PNPLA6: variants seen among roughly 807,000 people sequenced by gnomAD.
PNPLA6 encodes patatin like domain 6, lysophospholipase, also known as patatin-like phospholipase domain-containing protein 6.
A neutral mutation model predicts 153.7 loss-of-function variants in PNPLA6; 105 were observed. The observed-to-expected ratio is 0.68, with a 90% CI of 0.58 to 0.80. PNPLA6 has a LOEUF of 0.80. Among genes scored for constraint, PNPLA6 ranks in the 30% least tolerant of loss-of-function variants. The pLI is 0.00. For synonymous variants in PNPLA6, 825 were observed against 822.2 expected, an observed-to-expected ratio of 1.00 and a Z score of -0.06; for missense variants, 1,423 against 1,919.3, an observed-to-expected ratio of 0.74 and a Z score of 4.83.
At chr19:7,534,283 G>A (rs1453939631), upstream of PNPLA6, 1 of 256,762 alleles carries the variant, frequency 3.9e-6, no homozygotes, top group African/African-American at 2.3e-5. Flanking sequence ...GTCCCTTCGA[G>A]GGTCGTTAGC....
chr19:7,550,769 A>G (rs1222506049), intron 16 of PNPLA6, 129 bp downstream of exon 16: 9 of 1,241,454 alleles, frequency 7.2e-6, no homozygotes, highest in African/African-American at 3.0e-5. Flanking sequence ...CACCCAGTCC[A>G]CTCCCCGCCC....
rs2023125235 is a variant in PNPLA6 at position 7,541,273 on chromosome 19, G to A, written c.925-81G>A. On this transcript the variant is annotated intron_variant, in intron 7 of 31. Coordinates refer to ENST00000600737, the MANE Select transcript of PNPLA6 (RefSeq NM_001166114.2). This position sits in a 1 kb window ranked among gnomAD's most constrained non-coding sequence, Gnocchi z 5.2. ...CCCTGGTTCCCGCCCGACCCCTTAT[G>A]CTGCGAACTAGCCCGGCCCACCATC... 1 of 1,303,352 alleles carries A rather than the reference G, an allele frequency of 7.7e-7. No individual in the cohort carries two copies. The highest frequency in any genetic ancestry group is 1.5e-5 in the African/African-American group (1 of 68,508). 80.7% of individuals were successfully genotyped at this position (1,303,352 alleles called of 1,614,324 possible). A position where few individuals can be genotyped will look rare whatever the true frequency, so the allele number is the denominator to read the frequency against.
intron 27 of PNPLA6, among the ~76,000 whole-genome samples, chr19:7,557,765 C>T (rs2023945130): frequency 7.4e-6 from 1 of 134,266 alleles, no homozygotes; most frequent in East Asian, 2.1e-4. Context: ...GCCTGGGCGA[C>T]AGAGCAAGAC....
At chr19:7,556,251 T>C (rs2023876238) in intron 24 of PNPLA6, among the ~76,000 whole-genome samples, 1 of 151,700 alleles carries the variant, frequency 6.6e-6, no homozygotes, top group Non-Finnish European at 1.5e-5. Context: ...TTAGTAGAGA[T>C]GGGGTTTCAC....
chr19:7,541,087 G>T lies in PNPLA6; in HGVS notation c.924+36G>T, dbSNP rs776301447. On this transcript the variant is annotated intron_variant, in intron 7 of 31. Coordinates refer to ENST00000600737, the MANE Select transcript of PNPLA6 (RefSeq NM_001166114.2). The surrounding 1 kb of genome is among the most constrained non-coding windows in gnomAD (Gnocchi z 5.2). ...CTTCGCCTCCTGTCACCCCCTGAGG[G>T]ACCCCACCCTGGCCCCCACCCATTC... 6.3e-7 allele frequency: 1 copy of T among 1,597,664 alleles called. No homozygotes were observed. The highest frequency in any genetic ancestry group is 1.7e-5 in the Admixed American group (1 of 58,212).
Position 7,541,470 on chromosome 19 carries a change from G to A in PNPLA6, c.1005+36G>A. The A allele has an allele frequency of 1.2e-6, 2 of 1,612,360 alleles. No homozygotes were observed. The highest frequency in any genetic ancestry group is 8.5e-7 in the Non-Finnish European group (1 of 1,178,882). On this transcript the variant is annotated intron_variant, in intron 8 of 31. Coordinates refer to ENST00000600737, the MANE Select transcript of PNPLA6 (RefSeq NM_001166114.2). The surrounding 1 kb of genome is among the most constrained non-coding windows in gnomAD (Gnocchi z 5.2). ...GGCGGGGAGCGAGCACAGGGGGGAT[G>A]GGGGCGAGGTCTCCCTCCCAGGACA...
rs753859800 is a variant in PNPLA6 at position 7,536,433 on chromosome 19, G to A, written c.316-16G>A. Reference sequence around the variant, plus strand: ...CTGAATTAGCAATTCACCCATCTCCGCCTTCATTCTCCCAGGTGTCACAAT... The same window carrying A: ...CTGAATTAGCAATTCACCCATCTCCACCTTCATTCTCCCAGGTGTCACAAT... On this transcript the variant is annotated splice_polypyrimidine_tract_variant and intron_variant, in intron 2 of 31. Coordinates refer to ENST00000600737, the MANE Select transcript of PNPLA6 (RefSeq NM_001166114.2). 21 of 1,585,246 alleles carry A rather than the reference G, an allele frequency of 1.3e-5. No individual in the cohort carries two copies. Among genetic ancestry groups the A allele is most frequent in the Middle Eastern group, 1.7e-4 (1 of 6,038 alleles).
At chr19:7,550,171 T>C (rs2023581409) in intron 14 of PNPLA6, 59 bp downstream of exon 14, 1 of 1,607,758 alleles carries the variant, frequency 6.2e-7, no homozygotes, top group Non-Finnish European at 8.5e-7. Flanking sequence ...CCCGTGGGAG[T>C]GGCCAGAACC....
chr19:7,535,651 G>A, upstream of PNPLA6: 1 of 1,554,546 alleles, frequency 6.4e-7, no homozygotes, highest in African/African-American at 1.4e-5. The surrounding 1 kb of genome is among the most constrained non-coding windows in gnomAD (Gnocchi z 5.0). Flanking sequence ...GGCGTGCTCA[G>A]CGCGCATTAC....
intron 31 of PNPLA6, 32 bp from the exon 32 acceptor site, chr19:7,561,456 C>T (rs377501954): frequency 5.7e-6 from 9 of 1,571,444 alleles, no homozygotes; most frequent in Non-Finnish European, 7.0e-6. Context: ...GTGTCCCGTG[C>T]TGGGTGACGT....
Position 7,541,374 on chromosome 19 carries a change from G to C in PNPLA6, c.945G>C (p.Gln315His). ...TGCAGATCATCATGGTGCGGCTGCAGCGAGTCACCTTCCTGGCACTGCACA... is the reference window on the plus strand; with the variant it reads ...TGCAGATCATCATGGTGCGGCTGCACCGAGTCACCTTCCTGGCACTGCACA... ...RVVQIIMVRL[Q>H]RVTFLALHNY... Residue 315 changes from glutamine to histidine, a missense_variant, in exon 8 of 32, where the codon CAG becomes CAC. Transcript: ENST00000600737. This position sits in a 1 kb window ranked among gnomAD's most constrained non-coding sequence, Gnocchi z 5.2. 6.2e-7 allele frequency: 1 copy of C among 1,613,940 alleles called. No individual in the cohort carries two copies. The highest frequency in any genetic ancestry group is 8.5e-7 in the Non-Finnish European group (1 of 1,179,918).
In PNPLA6 at chr19:7,551,430, C is replaced by G; in HGVS notation, c.2253C>G (p.Pro751=). Residue 751 remains proline (P), a synonymous_variant, in exon 18 of 32, where the codon CCC becomes CCG. Coordinates refer to ENST00000600737, the MANE Select transcript of PNPLA6 (RefSeq NM_001166114.2). ...ILGNLQQLQG[P]FPGSGLGVPP... ...GGAATTTGCAGCAGCTGCAAGGACCCTTCCCAGGTGAGAGCCGGCCGGCCC... is the reference window on the plus strand; with the variant it reads ...GGAATTTGCAGCAGCTGCAAGGACCGTTCCCAGGTGAGAGCCGGCCGGCCC... 6.2e-7 allele frequency: 1 copy of G among 1,613,808 alleles called. No homozygotes were observed. Among genetic ancestry groups the G allele is most frequent in the Middle Eastern group, 1.6e-4 (1 of 6,062 alleles).
chr19:7,554,377 T>C (rs983555203), intron 20 of PNPLA6, 105 bp downstream of exon 20: 4 of 1,282,412 alleles, frequency 3.1e-6, no homozygotes, highest in East Asian at 2.3e-5. Context: ...GGAGCCTGCG[T>C]CTTACCCATA....
At position 7,541,834 on chromosome 19, in the gene PNPLA6, C is replaced by G. The variant is rs2023158934; in HGVS notation, c.1168+150C>G. ...CGGGGTACCCAGGTCTGACTCCTATCTGGTACCGAGGAAGCTGTGGCCTCG... is the reference window on the plus strand; with the variant it reads ...CGGGGTACCCAGGTCTGACTCCTATGTGGTACCGAGGAAGCTGTGGCCTCG... On this transcript the variant is annotated intron_variant, in intron 9 of 31. Coordinates refer to ENST00000600737, the MANE Select transcript of PNPLA6 (RefSeq NM_001166114.2). This position sits in a 1 kb window ranked among gnomAD's most constrained non-coding sequence, Gnocchi z 5.2. 8 of 1,115,060 alleles carry G rather than the reference C, an allele frequency of 7.2e-6. No homozygotes were observed. The highest frequency in any genetic ancestry group is 1.1e-5 in the Non-Finnish European group (8 of 761,618). 69.1% of individuals were successfully genotyped at this position (1,115,060 alleles called of 1,614,324 possible).
rs2023219105 is a variant in PNPLA6 at position 7,542,856 on chromosome 19, C to T, written c.1458C>T (p.Pro486=). 5.6e-6 allele frequency: 9 copies of T among 1,612,994 alleles called. No individual in the cohort carries two copies. The highest frequency in any genetic ancestry group is 6.8e-6 in the Non-Finnish European group (8 of 1,179,854). ...CCACTGGTGGCTGCCCTTTCGGGCC[C>T]TACCAGGGCCGCCAGACCAGCAGCA... The part of the protein sequence containing the change: ...ESATGGCPFG[P]YQGRQTSSIF... The change falls in exon 12 of 32, where the codon CCC becomes CCT. Residue 486 remains proline (P), a synonymous_variant. Coordinates refer to ENST00000600737, the MANE Select transcript of PNPLA6 (RefSeq NM_001166114.2).
At position 7,541,165 on chromosome 19, in the gene PNPLA6, A is replaced by T. The variant is rs1002456771; in HGVS notation, c.924+114A>T. ...GCCAGCAGGCGCTGGAGCTGTGGTTATCGGCCTGGAGCAGCCAGATGTCTG... is the reference window on the plus strand; with the variant it reads ...GCCAGCAGGCGCTGGAGCTGTGGTTTTCGGCCTGGAGCAGCCAGATGTCTG... On this transcript the variant is annotated intron_variant, in intron 7 of 31. Coordinates refer to ENST00000600737, the MANE Select transcript of PNPLA6 (RefSeq NM_001166114.2). This position sits in a 1 kb window ranked among gnomAD's most constrained non-coding sequence, Gnocchi z 5.2. The T allele has an allele frequency of 5.6e-5, 74 of 1,318,586 alleles. No individual in the cohort carries two copies. Among genetic ancestry groups the T allele is most frequent in the Non-Finnish European group, 7.8e-5 (73 of 940,820 alleles). The allele number at this position is 1,318,586 out of a possible 1,614,324, so 81.7% of individuals were successfully genotyped here. A position where few individuals can be genotyped will look rare whatever the true frequency, so the allele number is the denominator to read the frequency against.
rs1368204547 is a variant in PNPLA6 at position 7,549,116 on chromosome 19, A to G, written c.1609-791A>G. On this transcript the variant is annotated intron_variant, in intron 13 of 31. Transcript: ENST00000600737. ...TCGCGCCCGGCTAAAAAATATTTTTATATTTATTTATATTTATATATAGAT... is the reference window on the plus strand; with the variant it reads ...TCGCGCCCGGCTAAAAAATATTTTTGTATTTATTTATATTTATATATAGAT... 2.0e-5 allele frequency among the ~76,000 whole-genome samples: 3 copies of G among 147,638 alleles called. No individual in the cohort carries two copies. In the Admixed American group the frequency reaches 2.0e-4, roughly 10 times the overall value.
Position 7,541,512 on chromosome 19 carries a change from C to T in PNPLA6, c.1006-10C>T. The T allele has an allele frequency of 6.2e-7, 1 of 1,610,948 alleles. No individual in the cohort carries two copies. Among genetic ancestry groups the T allele is most frequent in the Non-Finnish European group, 8.5e-7 (1 of 1,178,794 alleles). On this transcript the variant is annotated splice_polypyrimidine_tract_variant and intron_variant, in intron 8 of 31. Transcript: ENST00000600737. This position sits in a 1 kb window ranked among gnomAD's most constrained non-coding sequence, Gnocchi z 5.2. ...CCCAGGACAGGCCACAAGCTGTTCT[C>T]TGCCCCCAGGAGATCCAGCCCCTGC...
intron 18 of PNPLA6, among the ~76,000 whole-genome samples, chr19:7,552,085 G>A (rs1368144113): frequency 2.6e-5 from 4 of 152,182 alleles, no homozygotes; most frequent in African/African-American, 9.7e-5. Context: ...ACTCCAGCCG[G>A]GATGACAGAG....
Sources: gnomAD v4.1 joint callset for allele counts (sites outside exome capture counted in the v4.1 genomes callset) on GRCh38, gnomAD v4.1.1 for gene constraint, Gnocchi (gnomAD v3.1) non-coding constraint, MANE v1.5 for transcripts, NCBI Gene and HGNC (gene_info 2026-07-23, HGNC 2026-07-21) for gene names.